ADARB2: variants seen among roughly 807,000 people sequenced by gnomAD.
ADARB2 encodes adenosine deaminase RNA specific B2 (inactive), also known as inactive double-stranded RNA-specific editase B2.
In ADARB2, 25 loss-of-function variants were observed where a neutral mutation model predicts 62.2. The ratio of observed to expected loss-of-function variants is 0.40; its 90% CI spans 0.29 to 0.56. ADARB2 has a LOEUF of 0.56. Ranked by LOEUF, ADARB2 falls within the 20% of genes least tolerant of loss-of-function variation. The pLI, the probability that ADARB2 is intolerant of heterozygous loss-of-function variation, is 0.43. For missense variants in ADARB2, 1,071 were observed against 1,077.4 expected (o/e 0.99, Z 0.08); for synonymous variants, 572 against 500.8 (o/e 1.14, Z -1.90).
At chr10:1,692,006 C>T (rs765831529) in intron 1 of ADARB2, among the ~76,000 whole-genome samples, 2 of 152,190 alleles carry the variant, frequency 1.3e-5, no homozygotes, top group South Asian at 2.1e-4. Flanking sequence ...CTTCAGCGCT[C>T]GCTGCTGTCT....
At chr10:1,522,070 A>G (rs1832080619) in intron 1 of ADARB2, among the ~76,000 whole-genome samples, 1 of 152,228 alleles carries the variant, frequency 6.6e-6, no homozygotes, top group African/African-American at 2.4e-5. Flanking sequence ...ATTGTTACGA[A>G]AAATGAAAGG....
Position 1,178,101 on chromosome 10 carries a change from C to G in ADARB2, c.*5092G>C, listed in dbSNP as rs888226932. On this transcript the variant is annotated 3_prime_UTR_variant, in exon 10 of 10. Transcript: ENST00000381312. ...CCCTGTGCACAAGGCATCAGGAACC[C>G]AGCGGGGCTCCCCCAGCCCCAGCAT... 1.3e-5 allele frequency: 2 copies of G among 152,136 alleles called. No homozygotes were observed. Among genetic ancestry groups the G allele is most frequent in the Admixed American group, 6.6e-5 (1 of 15,262 alleles). The allele number at this position is 152,136 out of a possible 1,614,324, so 9.4% of individuals were successfully genotyped here. A position where few individuals can be genotyped will look rare whatever the true frequency, so the allele number is the denominator to read the frequency against.
chr10:1,471,240 C>T (rs938417050), intron 1 of ADARB2, among the ~76,000 whole-genome samples: 17 of 152,326 alleles, frequency 1.1e-4, no homozygotes, highest in African/African-American at 3.8e-4. Flanking sequence ...CAGCATTCTC[C>T]TTGTAAAACC....
Position 1,183,253 on chromosome 10 carries a change from A to G in ADARB2, c.2160T>C (p.Ala720=), listed in dbSNP as rs765898849. ...GTTTCCTCACCCAGGTGCCCAGGCCAGCCTTCTGAAAGGCCTTGAACAGCT... is the reference window on the plus strand; with the variant it reads ...GTTTCCTCACCCAGGTGCCCAGGCCGGCCTTCTGAAAGGCCTTGAACAGCT... ...KQQLFKAFQK[A]GLGTWVRKPP... Residue 720 remains alanine, a synonymous_variant, in exon 10 of 10, where the codon GCT becomes GCC. Transcript: ENST00000381312. 1 of 1,614,112 alleles carries G rather than the reference A, an allele frequency of 6.2e-7. No individual in the cohort carries two copies. Among genetic ancestry groups the G allele is most frequent in the Non-Finnish European group, 8.5e-7 (1 of 1,180,028 alleles).
At chr10:1,657,388 A>AT (rs1377477168) in intron 1 of ADARB2, among the ~76,000 whole-genome samples, 2 of 146,060 alleles carry the variant, frequency 1.4e-5, no homozygotes, top group Non-Finnish European at 3.1e-5. Flanking sequence ...GATAAATCAT[A>AT]TTTTTTTATG....
intron 1 of ADARB2, among the ~76,000 whole-genome samples, chr10:1,446,583 C>T (rs138565676): frequency 1.5e-4 from 23 of 152,324 alleles, no homozygotes; most frequent in Non-Finnish European, 3.2e-4. Flanking sequence ...GCAGGAGACA[C>T]GCTGGGCACA....
chr10:1,435,737 G>A (rs1830828941), intron 1 of ADARB2, among the ~76,000 whole-genome samples: 1 of 152,220 alleles, frequency 6.6e-6, no homozygotes, highest in Admixed American at 6.5e-5. Flanking sequence ...GTCCCTGGCT[G>A]CCACCTGCCT....
intron 1 of ADARB2, among the ~76,000 whole-genome samples, chr10:1,615,826 C>A (rs576726810): frequency 1.3e-5 from 2 of 152,348 alleles, no homozygotes; most frequent in South Asian, 2.1e-4. Flanking sequence ...TCCCTCCCTT[C>A]GGAAAGTGGG....
chr10:1,643,822 C>G (rs1346964596), intron 1 of ADARB2, among the ~76,000 whole-genome samples: 1 of 152,146 alleles, frequency 6.6e-6, no homozygotes, highest in Non-Finnish European at 1.5e-5. Context: ...ATCTCTAATT[C>G]CAATCCTGAG....
intron 1 of ADARB2, among the ~76,000 whole-genome samples, chr10:1,708,533 T>A (rs1834917814): frequency 6.6e-6 from 1 of 152,192 alleles, no homozygotes; most frequent in African/African-American, 2.4e-5. Context: ...CACAAGGCCC[T>A]TTAGTCAAGA....
intron 1 of ADARB2, among the ~76,000 whole-genome samples, chr10:1,386,163 A>T (rs1832523515): frequency 6.6e-6 from 1 of 152,076 alleles, no homozygotes; most frequent in South Asian, 2.1e-4. Context: ...AGTCACTAAA[A>T]ATAATACAAA....
At chr10:1,185,133 G>T (rs1000587555) in intron 8 of ADARB2, 94 bp from the exon 9 acceptor site, 7 of 1,419,040 alleles carry the variant, frequency 4.9e-6, no homozygotes, top group African/African-American at 1.4e-5. Flanking sequence ...GCCTGTATGT[G>T]AGTGGGAATG....
At chr10:1,293,347 AAG>A (rs1375882477) in intron 3 of ADARB2, among the ~76,000 whole-genome samples, 5 of 139,316 alleles carry the variant, frequency 3.6e-5, no homozygotes, top group African/African-American at 7.7e-5. Flanking sequence ...GAGAGGGAGA[AAG>A]AGAAGGGAGG....
At chr10:1,217,152 G>T in intron 6 of ADARB2, 33 bp from the exon 7 acceptor site, 2 of 1,522,904 alleles carry the variant, frequency 1.3e-6, no homozygotes, top group Non-Finnish European at 8.9e-7. Context: ...GGGGTGAGAA[G>T]AGGGAAGCCG....
At chr10:1,376,994 G>A (rs374490902) in intron 2 of ADARB2, among the ~76,000 whole-genome samples, 24 of 135,066 alleles carry the variant, frequency 1.8e-4, no homozygotes, top group East Asian at 1.4e-3. Flanking sequence ...TGTGTGGTGC[G>A]TCCCTGGGGT....
intron 1 of ADARB2, among the ~76,000 whole-genome samples, chr10:1,625,969 TGCCCACGCTCGCTCCAG>T (rs1833761454): frequency 8.6e-6 from 1 of 115,766 alleles, no homozygotes; most frequent in African/African-American, 3.0e-5. Flanking sequence ...ACCCCACGTC[TGCCCACGCTCGCTCCAG>T]CATGGACACA....
In ADARB2 at chr10:1,470,431, G is replaced by A. The variant is rs373492736; in HGVS notation, c.101-91271C>T. Among the ~76,000 whole-genome samples the A allele has an allele frequency of 9.2e-5, 14 of 152,252 alleles. 1 individual carries two copies. In the South Asian group the frequency reaches 2.1e-3, roughly 23 times the overall value. On this transcript the variant is annotated intron_variant, in intron 1 of 9. Transcript: ENST00000381312. ...TGTAGGCCCTGTGGGGCTAACAATG[G>A]CATCCCACGAAATCGCTGAAAATGT...
chr10:1,720,548 G>A (rs1269439651), intron 1 of ADARB2, among the ~76,000 whole-genome samples: 1 of 151,806 alleles, frequency 6.6e-6, no homozygotes, highest in Non-Finnish European at 1.5e-5. Flanking sequence ...AAATAAAAGT[G>A]GAAAAAAATA....
chr10:1,700,538 C>T (rs796514452), intron 1 of ADARB2, among the ~76,000 whole-genome samples: 1 of 2,930 alleles, frequency 3.4e-4, no homozygotes. Context: ...GGAGACCAGG[C>T]GCTCGCCAAT....
Sources: gnomAD v4.1 joint callset for allele counts (sites outside exome capture counted in the v4.1 genomes callset) on GRCh38, gnomAD v4.1.1 for gene constraint, MANE v1.5 for transcripts, NCBI Gene and HGNC (gene_info 2026-07-23, HGNC 2026-07-21) for gene names.